SOX6: variants seen among roughly 807,000 people sequenced by gnomAD.
The protein encoded by SOX6 is transcription factor SOX-6.
SOX6 carries 11 observed loss-of-function variants against 97.8 expected under a neutral mutation model. The observed-to-expected ratio is 0.11, with a 90% CI of 0.07 to 0.19. SOX6 has a LOEUF of 0.19. Ranked by LOEUF, SOX6 falls within the 10% of genes least tolerant of loss-of-function variation. The pLI is 1.00. For synonymous variants in SOX6, 360 were observed against 371.4 expected, an observed-to-expected ratio of 0.97 and a Z score of 0.35; for missense variants, 810 against 1,039.5, an observed-to-expected ratio of 0.78 and a Z score of 3.04.
chr11:16,643,238 G>A (rs1229234489), intron 3 of SOX6, among the ~76,000 whole-genome samples: 1 of 152,204 alleles, frequency 6.6e-6, no homozygotes, highest in Non-Finnish European at 1.5e-5. Context: ...GAAGATTGGT[G>A]AACAGCAAAT....
intron 7 of SOX6, among the ~76,000 whole-genome samples, chr11:16,100,969 T>C (rs908696573): frequency 1.6e-4 from 25 of 151,678 alleles, no homozygotes; most frequent in Admixed American, 6.6e-4. Context: ...TTCAGTCGCA[T>C]ACCTCATTTC....
intron 12 of SOX6, among the ~76,000 whole-genome samples, chr11:16,025,234 C>G (rs762109364): frequency 1.3e-5 from 2 of 152,184 alleles, no homozygotes; most frequent in Non-Finnish European, 2.9e-5. Flanking sequence ...CTAACTCCTA[C>G]TTATATGTGG....
intron 4 of SOX6, 59 bp downstream of exon 4, chr11:16,234,523 G>A (rs1852957295): frequency 1.0e-6 from 1 of 1,002,190 alleles, no homozygotes; most frequent in African/African-American, 1.6e-5. Context: ...CAAATACATT[G>A]TTATACAAAA....
intron 3 of SOX6, among the ~76,000 whole-genome samples, chr11:16,646,498 T>C (rs1161538517): frequency 1.3e-5 from 2 of 152,044 alleles, no homozygotes; most frequent in Non-Finnish European, 2.9e-5. Context: ...CCATAGGTTT[T>C]TGGGGAACAT....
chr11:16,432,732 T>A (rs1859294790), intron 1 of SOX6, among the ~76,000 whole-genome samples: 1 of 152,076 alleles, frequency 6.6e-6, no homozygotes, highest in Non-Finnish European at 1.5e-5. Context: ...ATCTGCCTTT[T>A]AAACAAACAC....
intron 6 of SOX6, among the ~76,000 whole-genome samples, chr11:16,134,811 C>T (rs1262007347): frequency 6.6e-6 from 1 of 152,094 alleles, no homozygotes; most frequent in African/African-American, 2.4e-5. Flanking sequence ...CCTGAGACAA[C>T]AATATTGAAA....
intron 4 of SOX6, among the ~76,000 whole-genome samples, chr11:16,565,220 G>T (rs11023988): frequency 0.26 from 39,610 of 151,952 alleles, 5,834 homozygotes; most frequent in East Asian, 0.48. Context: ...TGGACCACTT[G>T]CTCAAAAAAC....
chr11:16,355,601 G>T (rs1415361276), intron 1 of SOX6, among the ~76,000 whole-genome samples: 1 of 151,940 alleles, frequency 6.6e-6, no homozygotes, highest in Non-Finnish European at 1.5e-5. Context: ...CTTGTCAGTT[G>T]TGTTTCTTTG....
intron 3 of SOX6, among the ~76,000 whole-genome samples, chr11:16,309,458 C>T (rs1855533297): frequency 6.6e-6 from 1 of 151,982 alleles, no homozygotes; most frequent in Non-Finnish European, 1.5e-5. Context: ...GAAAACAAGG[C>T]TAAACAATCA....
At chr11:16,134,470 T>C (rs1420638194) in intron 6 of SOX6, among the ~76,000 whole-genome samples, 2 of 152,238 alleles carry the variant, frequency 1.3e-5, no homozygotes, top group Non-Finnish European at 2.9e-5. Context: ...TTCTTTGCTT[T>C]ATTGCACTTC....
At chr11:16,412,433 G>T (rs1858839144) in intron 1 of SOX6, among the ~76,000 whole-genome samples, 1 of 152,134 alleles carries the variant, frequency 6.6e-6, no homozygotes, top group Non-Finnish European at 1.5e-5. Flanking sequence ...ACACTCAGTT[G>T]GGTAAGTGAT....
intron 7 of SOX6, among the ~76,000 whole-genome samples, chr11:16,106,879 A>T (rs944461269): frequency 6.6e-6 from 1 of 152,092 alleles, no homozygotes; most frequent in Non-Finnish European, 1.5e-5. Context: ...TACACAAATA[A>T]CTGAAACTCA....
intron 3 of SOX6, among the ~76,000 whole-genome samples, chr11:16,294,436 A>G (rs1418693997): frequency 1.3e-5 from 2 of 152,108 alleles, no homozygotes; most frequent in Non-Finnish European, 2.9e-5. Context: ...TGACATTTTA[A>G]AACTCTCCTT....
chr11:16,251,531 C>T (rs1374440377), intron 3 of SOX6, among the ~76,000 whole-genome samples: 1 of 151,968 alleles, frequency 6.6e-6, no homozygotes, highest in Non-Finnish European at 1.5e-5. Flanking sequence ...AAACTTCCTG[C>T]AAAATATACA....
chr11:15,991,721 G>A (rs543799896), intron 13 of SOX6, among the ~76,000 whole-genome samples: 7 of 152,116 alleles, frequency 4.6e-5, no homozygotes, highest in Admixed American at 1.3e-4. Context: ...GTATTTCATC[G>A]TAAATGGGAA....
intron 2 of SOX6, among the ~76,000 whole-genome samples, chr11:16,733,399 A>G (rs545805321): frequency 6.6e-6 from 1 of 152,306 alleles, no homozygotes; most frequent in South Asian, 2.1e-4. Flanking sequence ...ATGCAGTCAT[A>G]AAAAAGGATG....
chr11:16,402,196 T>C (rs541946649), intron 1 of SOX6, among the ~76,000 whole-genome samples: 8 of 151,790 alleles, frequency 5.3e-5, no homozygotes, highest in African/African-American at 1.9e-4. Context: ...ACAGTAGCTC[T>C]TAAATTTGTG....
At chr11:16,690,653 T>C (rs1034355936) in intron 3 of SOX6, among the ~76,000 whole-genome samples, 31 of 152,236 alleles carry the variant, frequency 2.0e-4, no homozygotes, top group Non-Finnish European at 1.2e-4. Context: ...TGGCTTTTCA[T>C]GCGATGCAAG....
At chr11:15,999,759 A>G (rs918963163) in intron 13 of SOX6, among the ~76,000 whole-genome samples, 1 of 152,146 alleles carries the variant, frequency 6.6e-6, no homozygotes, top group African/African-American at 2.4e-5. Flanking sequence ...AAGTATCACT[A>G]TTGGGTTGCT....
Sources: allele counts gnomAD v4.1 joint callset (sites outside exome capture counted in the v4.1 genomes callset), GRCh38; gene constraint gnomAD v4.1.1; transcripts MANE v1.5; gene names NCBI Gene and HGNC (gene_info 2026-07-23, HGNC 2026-07-21).